Variants in SIPA1L3 observed in about 807,000 individuals in gnomAD.
SIPA1L3 encodes the protein signal induced proliferation associated 1 like 3, also known as signal-induced proliferation-associated 1-like protein 3.
In SIPA1L3, 59 loss-of-function variants were observed where a neutral mutation model predicts 150.1. That is an observed-to-expected ratio of 0.39 (90% confidence interval 0.32 to 0.49). The LOEUF is 0.49. Among genes scored for constraint, SIPA1L3 ranks in the 20% least tolerant of loss-of-function variants. The pLI is 0.86. For synonymous variants in SIPA1L3, 1,070 were observed against 1,077.6 expected, an observed-to-expected ratio of 0.99 and a Z score of 0.14; for missense variants, 2,211 against 2,489.5, an observed-to-expected ratio of 0.89 and a Z score of 2.38.
chr19:38,172,644 G>A (rs1353603856), intron 15 of SIPA1L3, among the ~76,000 whole-genome samples: 1 of 152,140 alleles, frequency 6.6e-6, no homozygotes, highest in Non-Finnish European at 1.5e-5. Context: ...GTGGCCAGAG[G>A]GGCTGAAGCA....
At chr19:38,185,246 C>CT (rs1468138834) in intron 16 of SIPA1L3, 1 of 152,310 alleles carries the variant, frequency 6.6e-6, no homozygotes, top group African/African-American at 2.4e-5. Context: ...TCACAAGGCA[C>CT]TTGTAACGTG....
chr19:37,980,817 T>C (rs1201956764), intron 1 of SIPA1L3, among the ~76,000 whole-genome samples: 2 of 152,200 alleles, frequency 1.3e-5, no homozygotes, highest in Non-Finnish European at 2.9e-5. Context: ...GAGAGGGTTA[T>C]TGGGGCTGGT....
At chr19:37,934,058 A>T (rs565894104) in intron 1 of SIPA1L3, among the ~76,000 whole-genome samples, 5 of 152,188 alleles carry the variant, frequency 3.3e-5, no homozygotes, top group Middle Eastern at 3.2e-3. Context: ...TCTGGGGCTG[A>T]ACAAGTTTTA....
chr19:37,933,989 A>G lies in SIPA1L3; in HGVS notation c.-379+26631A>G, dbSNP rs191349084. Among the ~76,000 whole-genome samples, 276 of 152,340 alleles carry G rather than the reference A, an allele frequency of 1.8e-3. 6 individuals are homozygous for G. Among genetic ancestry groups the G allele is most frequent in the Admixed American group, 0.017 (259 of 15,298 alleles). ...GCCAGGGAGTGCCTGGGAAGTAGCA[A>G]TTAACCAGCCAGGCACAGTTGAGCC... is the stretch of plus-strand genomic sequence containing the variant. On this transcript the variant is annotated intron_variant, in intron 1 of 21. Transcript: ENST00000222345.
chr19:38,172,200 A>G (rs1374522267), intron 15 of SIPA1L3, among the ~76,000 whole-genome samples: 1 of 152,096 alleles, frequency 6.6e-6, no homozygotes, highest in Non-Finnish European at 1.5e-5. Context: ...TGGGAGGGAG[A>G]TGCAGGCCCA....
chr19:38,056,360 C>T (rs1246721512), intron 2 of SIPA1L3, among the ~76,000 whole-genome samples: 1 of 152,336 alleles, frequency 6.6e-6, no homozygotes, highest in African/African-American at 2.4e-5. Flanking sequence ...ACTCCAGATT[C>T]CTGAACACTG....
At chr19:37,967,001 C>A (rs953190061) in intron 1 of SIPA1L3, among the ~76,000 whole-genome samples, 1 of 152,076 alleles carries the variant, frequency 6.6e-6, no homozygotes, top group Admixed American at 6.6e-5. Flanking sequence ...TACCACACCC[C>A]GGTAGCCTAA....
chr19:38,082,639 C>T lies in SIPA1L3; in HGVS notation c.1074C>T (p.Asn358=), dbSNP rs1235502162. ...TCGACCTCAACGAGGCGGCCGCCAACAGGGTGTCGGTGTCGCAGCGGCGGA... is the reference window on the plus strand; with the variant it reads ...TCGACCTCAACGAGGCGGCCGCCAATAGGGTGTCGGTGTCGCAGCGGCGGA... The part of the protein sequence containing the change: ...MLFDLNEAAA[N]RVSVSQRRNT... Residue 358 remains asparagine, a synonymous_variant, in exon 3 of 22, where the codon AAC becomes AAT. Transcript: ENST00000222345. 2.5e-6 allele frequency: 4 copies of T among 1,606,388 alleles called. No individual in the cohort carries two copies. The highest frequency in any genetic ancestry group is 1.7e-5 in the Admixed American group (1 of 59,992).
intron 1 of SIPA1L3, among the ~76,000 whole-genome samples, chr19:38,004,976 G>A (rs1450878362): frequency 2.6e-5 from 4 of 152,130 alleles, no homozygotes; most frequent in Non-Finnish European, 4.4e-5. Context: ...GAGAGTCACC[G>A]CATGTTCTCT....
intron 1 of SIPA1L3, among the ~76,000 whole-genome samples, chr19:37,996,916 C>T (rs909219508): frequency 2.6e-5 from 4 of 151,902 alleles, no homozygotes; most frequent in African/African-American, 9.7e-5. Context: ...AGGCTGGTCT[C>T]GAACTCCTGA....
At chr19:37,981,056 A>G (rs928446224) in intron 1 of SIPA1L3, among the ~76,000 whole-genome samples, 4 of 152,192 alleles carry the variant, frequency 2.6e-5, no homozygotes, top group Non-Finnish European at 5.9e-5. Flanking sequence ...CCACATAGTG[A>G]GTGCTCAAGA....
intron 2 of SIPA1L3, among the ~76,000 whole-genome samples, chr19:38,034,859 C>T (rs1197065492): frequency 6.6e-6 from 1 of 152,216 alleles, no homozygotes; most frequent in Non-Finnish European, 1.5e-5. Flanking sequence ...TTTTCTTTCT[C>T]TGGAGGTCTG....
At chr19:37,947,579 T>C (rs752268551) in intron 1 of SIPA1L3, among the ~76,000 whole-genome samples, 2 of 152,040 alleles carry the variant, frequency 1.3e-5, no homozygotes, top group Non-Finnish European at 2.9e-5. Context: ...TTCCCACTAA[T>C]ATGAAACTCA....
chr19:38,171,385 C>CTTTTTTTTT (rs1055077464), intron 15 of SIPA1L3, among the ~76,000 whole-genome samples: 7 of 77,884 alleles, frequency 9.0e-5, no homozygotes, highest in African/African-American at 1.5e-4. Flanking sequence ...CCTACCAAAA[C>CTTTTTTTTT]TTTTTTTTTT....
chr19:38,170,404 C>T (rs536154118), intron 15 of SIPA1L3, among the ~76,000 whole-genome samples: 54 of 152,256 alleles, frequency 3.5e-4, no homozygotes, highest in African/African-American at 1.2e-3. Flanking sequence ...AGCAGCCCCC[C>T]TCATGTGCTG....
chr19:38,154,547 A>G (rs576385873), intron 13 of SIPA1L3, among the ~76,000 whole-genome samples: 2 of 152,170 alleles, frequency 1.3e-5, no homozygotes, highest in South Asian at 2.1e-4. Context: ...TCCTGGGTTC[A>G]AACAATTCTC....
chr19:38,110,656 A>G (rs1458915537), intron 8 of SIPA1L3, among the ~76,000 whole-genome samples: 1 of 152,172 alleles, frequency 6.6e-6, no homozygotes, highest in Non-Finnish European at 1.5e-5. Context: ...GCTTAAGACA[A>G]AAAGACAGTT....
At chr19:38,159,434 A>C (rs1972024323) in intron 13 of SIPA1L3, among the ~76,000 whole-genome samples, 1 of 151,992 alleles carries the variant, frequency 6.6e-6, no homozygotes. Flanking sequence ...CTCAGGTCCC[A>C]CTCCTGTAGT....
intron 10 of SIPA1L3, among the ~76,000 whole-genome samples, chr19:38,140,556 C>T (rs1017404757): frequency 2.4e-4 from 36 of 152,132 alleles, no homozygotes; most frequent in African/African-American, 8.4e-4. Flanking sequence ...GCAGGTCTGT[C>T]GAGGACACTG....
Sources: gnomAD v4.1 joint callset for allele counts (sites outside exome capture counted in the v4.1 genomes callset) on GRCh38, gnomAD v4.1.1 for gene constraint, MANE v1.5 for transcripts, NCBI Gene and HGNC (gene_info 2026-07-23, HGNC 2026-07-21) for gene names.